Variants in DYM observed in about 807,000 individuals in gnomAD.
DYM encodes the protein dymeclin.
In DYM, 78 loss-of-function variants were observed where a neutral mutation model predicts 93.1. That is an observed-to-expected ratio of 0.84 (90% CI 0.70 to 1.01). The LOEUF (loss-of-function observed/expected upper bound fraction) is 1.01. Ranked by LOEUF, DYM falls within the 50% of genes least tolerant of loss-of-function variation. The pLI is 0.00. For synonymous variants in DYM, 321 were observed against 319.7 expected (o/e 1.00, Z -0.04); for missense variants, 789 against 845.0 (o/e 0.93, Z 0.82).
At chr18:49,163,841 T>C in intron 14 of DYM, 54 bp from the exon 15 acceptor site, 2 of 1,175,806 alleles carry the variant, frequency 1.7e-6, no homozygotes, top group Non-Finnish European at 1.2e-6. Context: ...TTCTTTTCTG[T>C]CTTCTGTGGA....
chr18:49,336,818 A>G (rs914142136), intron 6 of DYM, among the ~76,000 whole-genome samples: 6 of 152,222 alleles, frequency 3.9e-5, no homozygotes, highest in Admixed American at 1.3e-4. Flanking sequence ...AAAACAAGTA[A>G]TAACAGGAGA....
At chr18:49,378,163 G>C (rs907913883) in intron 5 of DYM, among the ~76,000 whole-genome samples, 1 of 152,192 alleles carries the variant, frequency 6.6e-6, no homozygotes, top group African/African-American at 2.4e-5. Flanking sequence ...CGCTATGAAA[G>C]TAACCTTTAC....
At chr18:49,239,777 G>A (rs2093968446) in intron 13 of DYM, among the ~76,000 whole-genome samples, 1 of 152,252 alleles carries the variant, frequency 6.6e-6, no homozygotes, top group Non-Finnish European at 1.5e-5. Context: ...GAGACCACAA[G>A]TAGAGAATCA....
intron 17 of DYM, among the ~76,000 whole-genome samples, chr18:49,075,943 TA>T (rs2077268073): frequency 6.6e-6 from 1 of 152,368 alleles, no homozygotes; most frequent in African/African-American, 2.4e-5. Context: ...AAAAGCTTGA[TA>T]ACACATTTTT....
chr18:49,187,219 C>T (rs1449148600), intron 14 of DYM, among the ~76,000 whole-genome samples: 1 of 152,076 alleles, frequency 6.6e-6, no homozygotes, highest in African/African-American at 2.4e-5. Flanking sequence ...CGCCCGGCCG[C>T]TGCTGGTACA....
At chr18:49,212,497 T>G (rs1351900962) in intron 13 of DYM, among the ~76,000 whole-genome samples, 1 of 152,050 alleles carries the variant, frequency 6.6e-6, no homozygotes, top group Non-Finnish European at 1.5e-5. Flanking sequence ...CTATTTTTGG[T>G]AAAACTAATT....
Position 49,168,459 on chromosome 18 carries a change from C to T in DYM, c.1626-4672G>A, listed in dbSNP as rs562684733. On this transcript the variant is annotated intron_variant, in intron 14 of 17. Coordinates refer to ENST00000675505, the MANE Select transcript of DYM (RefSeq NM_001353214.3). ...TGTAAACAGAATAAGTGTGGTCAGT[C>T]CAAACGGGAACACGCTGAGAAAATC... 3.9e-5 allele frequency among the ~76,000 whole-genome samples: 6 copies of T among 152,268 alleles called. No individual in the cohort carries two copies. In the South Asian group the frequency reaches 1.2e-3, roughly 32 times the overall value.
rs1352046016 is a variant in DYM at position 49,215,716 on chromosome 18, A to C, written c.1461-6001T>G. On this transcript the variant is annotated intron_variant, in intron 13 of 17. Coordinates refer to ENST00000675505, the MANE Select transcript of DYM (RefSeq NM_001353214.3). ...ACAAATTCCCTCAAACTGAAAACTA[A>C]AACAAATTTAATTGCATCTCAAGTG... Among the ~76,000 whole-genome samples the C allele has an allele frequency of 2.0e-5, 3 of 152,236 alleles. No individual in the cohort carries two copies. In the East Asian group the frequency reaches 5.8e-4, roughly 29 times the overall value.
chr18:49,392,280 A>AT (rs1478514515), intron 2 of DYM, among the ~76,000 whole-genome samples: 1 of 152,166 alleles, frequency 6.6e-6, no homozygotes, highest in Non-Finnish European at 1.5e-5. Flanking sequence ...TTGAGATTGC[A>AT]TTTGACAACA....
chr18:49,294,983 G>A (rs376394740), intron 8 of DYM, among the ~76,000 whole-genome samples: 1 of 152,126 alleles, frequency 6.6e-6, no homozygotes, highest in East Asian at 1.9e-4. Flanking sequence ...AAGGCTAACG[G>A]TCAATAGACA....
intron 2 of DYM, among the ~76,000 whole-genome samples, chr18:49,399,599 C>G (rs1471890748): frequency 6.6e-6 from 1 of 152,160 alleles, no homozygotes; most frequent in African/African-American, 2.4e-5. Context: ...TTGATCAGGT[C>G]TCACCTAAGA....
intron 2 of DYM, among the ~76,000 whole-genome samples, chr18:49,400,875 A>G (rs924062452): frequency 1.3e-5 from 2 of 152,234 alleles, no homozygotes; most frequent in South Asian, 2.1e-4. Context: ...ACAGGCATCT[A>G]TGCACAATGC....
chr18:49,219,384 G>A (rs1399311858), intron 13 of DYM, among the ~76,000 whole-genome samples: 3 of 152,106 alleles, frequency 2.0e-5, no homozygotes, highest in Admixed American at 2.0e-4. Flanking sequence ...GAAAAAGAGG[G>A]AACCCTCCCT....
intron 17 of DYM, among the ~76,000 whole-genome samples, chr18:49,058,974 T>C (rs1309705047): frequency 1.3e-5 from 2 of 152,182 alleles, no homozygotes; most frequent in Non-Finnish European, 2.9e-5. Flanking sequence ...GTTTTGGAAC[T>C]TGTACAATGA....
At chr18:49,088,259 A>C (rs1380709347) in intron 17 of DYM, among the ~76,000 whole-genome samples, 1 of 152,216 alleles carries the variant, frequency 6.6e-6, no homozygotes, top group Non-Finnish European at 1.5e-5. Flanking sequence ...TCTAACACCT[A>C]AGTCTTTAAT....
chr18:49,214,213 A>C (rs2092925680), intron 13 of DYM, among the ~76,000 whole-genome samples: 1 of 152,216 alleles, frequency 6.6e-6, no homozygotes, highest in Non-Finnish European at 1.5e-5. Flanking sequence ...GGTGAGTGGC[A>C]GTTGAATGAG....
At chr18:49,186,878 G>A (rs564007176) in intron 14 of DYM, among the ~76,000 whole-genome samples, 5 of 149,948 alleles carry the variant, frequency 3.3e-5, no homozygotes, top group South Asian at 4.2e-4. Context: ...ATATCCGATT[G>A]TCAAAAGGGA....
At chr18:49,100,288 T>C (rs2080004688) in intron 16 of DYM, among the ~76,000 whole-genome samples, 1 of 152,062 alleles carries the variant, frequency 6.6e-6, no homozygotes, top group Non-Finnish European at 1.5e-5. Flanking sequence ...TAATCACTAA[T>C]CGAGATAACA....
At chr18:49,134,326 A>C (rs761066623) in intron 15 of DYM, among the ~76,000 whole-genome samples, 38 of 152,338 alleles carry the variant, frequency 2.5e-4, no homozygotes, top group South Asian at 6.2e-4. Context: ...ATAATGGTTT[A>C]TAAGGAGATT....
Sources: gnomAD v4.1 joint callset for allele counts (sites outside exome capture counted in the v4.1 genomes callset) on GRCh38, gnomAD v4.1.1 for gene constraint, MANE v1.5 for transcripts, NCBI Gene and HGNC (gene_info 2026-07-23, HGNC 2026-07-21) for gene names.